The following RTN1 variants were observed in gnomAD, a reference collection of about 807,000 sequenced individuals.
The protein encoded by RTN1 is reticulon-1.
A neutral mutation model predicts 65.5 loss-of-function variants in RTN1; 25 were observed. The observed-to-expected ratio is 0.38, with a 90% CI of 0.28 to 0.53. The LOEUF (loss-of-function observed/expected upper bound fraction) is 0.53, where lower values mean the gene tolerates loss of function less well. Among genes scored for constraint, RTN1 ranks in the 20% least tolerant of loss-of-function variants. RTN1 has a pLI of 0.79. For synonymous variants in RTN1, 471 were observed against 447.6 expected (o/e 1.05, Z -0.66); for missense variants, 983 against 1,025.4 (o/e 0.96, Z 0.57).
At chr14:59,861,892 A>T (rs1887716883) in intron 1 of RTN1, among the ~76,000 whole-genome samples, 1 of 152,210 alleles carries the variant, frequency 6.6e-6, no homozygotes, top group African/African-American at 2.4e-5. Context: ...TCACCGTATT[A>T]TAGCTCGTCA....
At chr14:59,645,910 T>A (rs1882886018) in intron 3 of RTN1, among the ~76,000 whole-genome samples, 1 of 152,086 alleles carries the variant, frequency 6.6e-6, no homozygotes, top group Non-Finnish European at 1.5e-5. Context: ...ATGACCAGAG[T>A]GTCTTATATC....
intron 1 of RTN1, among the ~76,000 whole-genome samples, chr14:59,757,363 C>T (rs925731526): frequency 4.6e-5 from 7 of 152,070 alleles, no homozygotes; most frequent in East Asian, 1.9e-4. Context: ...GTAGTGAATA[C>T]GTTTCATGAG....
At chr14:59,670,411 C>T (rs964612589) in intron 3 of RTN1, among the ~76,000 whole-genome samples, 3 of 152,176 alleles carry the variant, frequency 2.0e-5, no homozygotes, top group Admixed American at 6.5e-5. Flanking sequence ...CTCAGCAAGA[C>T]GCAACCTGAA....
intron 1 of RTN1, among the ~76,000 whole-genome samples, chr14:59,869,211 A>G (rs938337255): frequency 2.0e-5 from 3 of 152,042 alleles, no homozygotes; most frequent in African/African-American, 7.2e-5. Flanking sequence ...GACATTCCAC[A>G]TAACCCTTAA....
intron 1 of RTN1, among the ~76,000 whole-genome samples, chr14:59,860,408 G>T (rs1361816159): frequency 2.6e-5 from 4 of 152,246 alleles, no homozygotes; most frequent in Non-Finnish European, 4.4e-5. Flanking sequence ...ATGTATGCAA[G>T]CACCTGGATG....
At chr14:59,668,757 GA>G (rs1417170978) in intron 3 of RTN1, among the ~76,000 whole-genome samples, 2 of 151,940 alleles carry the variant, frequency 1.3e-5, no homozygotes, top group Non-Finnish European at 2.9e-5. Flanking sequence ...AAATTTACAA[GA>G]AAAAAACCAA....
intron 3 of RTN1, among the ~76,000 whole-genome samples, chr14:59,634,392 T>C (rs570714912): frequency 6.6e-6 from 1 of 152,194 alleles, no homozygotes; most frequent in Non-Finnish European, 1.5e-5. Flanking sequence ...CTATGCCATA[T>C]GGAATAAGGA....
At chr14:59,798,681 C>T (rs888887836) in intron 1 of RTN1, among the ~76,000 whole-genome samples, 7 of 152,064 alleles carry the variant, frequency 4.6e-5, no homozygotes, top group South Asian at 2.1e-4. Context: ...ACATTGGGCC[C>T]GCCTGGATAA....
chr14:59,860,587 C>T (rs1240057671), intron 1 of RTN1, among the ~76,000 whole-genome samples: 1 of 152,166 alleles, frequency 6.6e-6, no homozygotes, highest in African/African-American at 2.4e-5. Context: ...AACAGTAGAT[C>T]CATCGACAGC....
At chr14:59,639,682 T>G (rs771257196) in intron 3 of RTN1, among the ~76,000 whole-genome samples, 1 of 152,222 alleles carries the variant, frequency 6.6e-6, no homozygotes, top group Non-Finnish European at 1.5e-5. Context: ...TTAGCTGTCC[T>G]TTATCAGATT....
chr14:59,782,193 T>A (rs1886168040), intron 1 of RTN1, among the ~76,000 whole-genome samples: 1 of 152,140 alleles, frequency 6.6e-6, no homozygotes, highest in Admixed American at 6.6e-5. Context: ...CTGCAAGAAA[T>A]AAGTTTCTGT....
At chr14:59,731,956 C>T (rs969451579) in intron 2 of RTN1, among the ~76,000 whole-genome samples, 7 of 152,156 alleles carry the variant, frequency 4.6e-5, no homozygotes, top group Admixed American at 3.9e-4. Flanking sequence ...CACAGTATTC[C>T]CTGCCGCTCC....
At chr14:59,732,973 C>T (rs1026556345) in intron 2 of RTN1, among the ~76,000 whole-genome samples, 30 of 152,078 alleles carry the variant, frequency 2.0e-4, no homozygotes, top group African/African-American at 7.2e-4. Flanking sequence ...GTTTGGTCAA[C>T]TCAGCCACTC....
chr14:59,672,625 C>CTTTTTTTTTTTTTTTTTTTTTT (rs71111662), intron 3 of RTN1, among the ~76,000 whole-genome samples: 1 of 79,084 alleles, frequency 1.3e-5, no homozygotes, highest in Admixed American at 1.8e-4. Flanking sequence ...CAAGATATTT[C>CTTTTTTTTTTTTTTTTTTTTTT]TTTTTTTTTT....
intron 3 of RTN1, among the ~76,000 whole-genome samples, chr14:59,690,376 C>T (rs1883936039): frequency 6.6e-6 from 1 of 151,902 alleles, no homozygotes; most frequent in South Asian, 2.1e-4. Context: ...AATTATAAAG[C>T]ATTCAATTCA....
chr14:59,834,609 T>C (rs1391536822), intron 1 of RTN1, among the ~76,000 whole-genome samples: 1 of 152,102 alleles, frequency 6.6e-6, no homozygotes, highest in South Asian at 2.1e-4. Context: ...ATGGCATTTG[T>C]AGCACAGAAA....
intron 2 of RTN1, among the ~76,000 whole-genome samples, chr14:59,741,313 G>A (rs1283915307): frequency 6.6e-6 from 1 of 152,152 alleles, no homozygotes; most frequent in Non-Finnish European, 1.5e-5. Context: ...TTCAGTCTCT[G>A]CTCAAGCTGT....
At chr14:59,622,060 G>T (rs1243774379) in intron 3 of RTN1, among the ~76,000 whole-genome samples, 1 of 152,230 alleles carries the variant, frequency 6.6e-6, no homozygotes, top group African/African-American at 2.4e-5. Context: ...GTGAGGCCAG[G>T]CCCAGTGGCT....
intron 1 of RTN1, among the ~76,000 whole-genome samples, chr14:59,799,556 T>C (rs78081316): frequency 0.012 from 1,902 of 152,304 alleles, 38 homozygotes; most frequent in African/African-American, 0.043. Context: ...ATATGATAAA[T>C]CAAATTTAAA....
Sources: gnomAD v4.1 joint callset for allele counts (sites outside exome capture counted in the v4.1 genomes callset) on GRCh38, gnomAD v4.1.1 for gene constraint, MANE v1.5 for transcripts, NCBI Gene and HGNC (gene_info 2026-07-23, HGNC 2026-07-21) for gene names.